KANSL1L: variants seen among roughly 807,000 people sequenced by gnomAD.
The protein encoded by KANSL1L is KAT8 regulatory NSL complex subunit 1-like protein.
A neutral mutation model predicts 108.6 loss-of-function variants in KANSL1L; 25 were observed. The observed-to-expected ratio is 0.23, with a 90% CI of 0.17 to 0.32. The LOEUF (loss-of-function observed/expected upper bound fraction) is 0.32. Among genes scored for constraint, KANSL1L ranks in the 10% least tolerant of loss-of-function variants. KANSL1L has a pLI of 1.00. For missense variants in KANSL1L, 1,137 were observed against 1,125.7 expected (o/e 1.01, Z -0.14); for synonymous variants, 405 against 395.1 (o/e 1.03, Z -0.30).
intron 2 of KANSL1L, among the ~76,000 whole-genome samples, chr2:210,135,470 C>G (rs1457311914): frequency 2.6e-5 from 4 of 152,130 alleles, no homozygotes; most frequent in African/African-American, 9.7e-5. Flanking sequence ...TATTTCCCAG[C>G]CTTACTTGCA....
intron 3 of KANSL1L, among the ~76,000 whole-genome samples, chr2:210,111,479 G>A (rs1403460475): frequency 6.6e-6 from 1 of 152,106 alleles, no homozygotes. Flanking sequence ...AGAGAAAAGA[G>A]CCTGAAGGAA....
At chr2:210,091,406 G>C (rs554474074) in intron 5 of KANSL1L, among the ~76,000 whole-genome samples, 16 of 152,068 alleles carry the variant, frequency 1.1e-4, no homozygotes, top group African/African-American at 3.9e-4. Context: ...TGAAATATAA[G>C]ATACATATGC....
chr2:210,041,876 GGGAC>G (rs2094167859), intron 7 of KANSL1L, among the ~76,000 whole-genome samples: 1 of 152,162 alleles, frequency 6.6e-6, no homozygotes, highest in South Asian at 2.1e-4. Flanking sequence ...TTTGTACCAA[GGGAC>G]AGAGGTAAGA....
rs926467934 is a variant in KANSL1L at position 210,105,461 on chromosome 2, A to G, written c.1231-1160T>C. Among the ~76,000 whole-genome samples, 3 of 150,282 alleles carry G rather than the reference A, an allele frequency of 2.0e-5. No homozygotes were observed. In the Middle Eastern group the frequency reaches 0.011, roughly 533 times the overall value. ...ACACTCCTAATGTGGCTAAAATACTATATTATTGTAATAAAAAATAAACTA... is the reference window on the plus strand; with the variant it reads ...ACACTCCTAATGTGGCTAAAATACTGTATTATTGTAATAAAAAATAAACTA... On this transcript the variant is annotated intron_variant, in intron 3 of 14. Coordinates refer to ENST00000281772, the MANE Select transcript of KANSL1L (RefSeq NM_152519.4).
At chr2:210,158,858 T>C (rs1451167298) in intron 1 of KANSL1L, among the ~76,000 whole-genome samples, 2 of 152,222 alleles carry the variant, frequency 1.3e-5, no homozygotes, top group Admixed American at 6.5e-5. Context: ...ATTATTTAAA[T>C]TATCTAGATA....
At chr2:210,102,271 T>G (rs2094800979) in intron 4 of KANSL1L, among the ~76,000 whole-genome samples, 1 of 152,142 alleles carries the variant, frequency 6.6e-6, no homozygotes, top group Non-Finnish European at 1.5e-5. Context: ...CGGGCTCTTT[T>G]GTGGTAACTG....
chr2:210,032,908 A>G (rs535899414), intron 8 of KANSL1L: 1 of 152,354 alleles, frequency 6.6e-6, no homozygotes, highest in African/African-American at 2.4e-5. Context: ...TTAAAACAGT[A>G]TTGCCAAGAG....
chr2:210,123,061 T>C (rs2095035605), intron 3 of KANSL1L, among the ~76,000 whole-genome samples: 1 of 152,100 alleles, frequency 6.6e-6, no homozygotes, highest in African/African-American at 2.4e-5. Flanking sequence ...GGCAAAGTTG[T>C]AGAGAAAAAG....
At chr2:210,163,265 G>A (rs552126689) in intron 1 of KANSL1L, among the ~76,000 whole-genome samples, 1 of 152,244 alleles carries the variant, frequency 6.6e-6, no homozygotes, top group East Asian at 1.9e-4. Flanking sequence ...GGAAAAAACA[G>A]ACAACATGCA....
intron 5 of KANSL1L, 179 bp downstream of exon 5, chr2:210,097,907 C>T: frequency 2.7e-6 from 1 of 373,854 alleles, no homozygotes; most frequent in Non-Finnish European, 4.8e-6. Context: ...TTTATCATTA[C>T]CTTAATTGTG....
At chr2:210,053,422 C>A (rs1002311057) in intron 6 of KANSL1L, among the ~76,000 whole-genome samples, 2 of 152,168 alleles carry the variant, frequency 1.3e-5, no homozygotes, top group African/African-American at 4.8e-5. Flanking sequence ...CATGGTGAGA[C>A]CTTGTCTCTA....
In KANSL1L at chr2:210,050,482, G is replaced by A. The variant is rs546549173; in HGVS notation, c.1756-6378C>T. 2.6e-5 allele frequency among the ~76,000 whole-genome samples: 4 copies of A among 152,194 alleles called. No homozygotes were observed. In the South Asian group the frequency reaches 8.3e-4, roughly 32 times the overall value. ...AGTATAGAGCAGACATACCACTCAA[G>A]CACTAGTCGTTAGATTGCTGAAGCA... On this transcript the variant is annotated intron_variant, in intron 6 of 14. Coordinates refer to ENST00000281772, the MANE Select transcript of KANSL1L (RefSeq NM_152519.4).
chr2:210,092,521 C>T (rs2094701065), intron 5 of KANSL1L, among the ~76,000 whole-genome samples: 1 of 152,134 alleles, frequency 6.6e-6, no homozygotes, highest in African/African-American at 2.4e-5. Context: ...GCTTATGTAA[C>T]TTGATATAGT....
At chr2:210,095,697 A>G (rs563336216) in intron 5 of KANSL1L, among the ~76,000 whole-genome samples, 21 of 152,286 alleles carry the variant, frequency 1.4e-4, no homozygotes, top group South Asian at 8.3e-4. Context: ...GTTATCTGGT[A>G]ACAAAGCACT....
At chr2:210,048,511 G>T (rs550131416) in intron 6 of KANSL1L, among the ~76,000 whole-genome samples, 1 of 151,404 alleles carries the variant, frequency 6.6e-6, no homozygotes. Context: ...TTTACATTTT[G>T]TATGGATAAT....
chr2:210,153,339 G>A (rs2095315120), intron 2 of KANSL1L, 156 bp downstream of exon 2: 2 of 619,568 alleles, frequency 3.2e-6, no homozygotes, highest in African/African-American at 1.9e-5. Flanking sequence ...GGGCGACAGA[G>A]CGAGACTCTG....
At chr2:210,099,774 C>T (rs898958237) in intron 4 of KANSL1L, among the ~76,000 whole-genome samples, 1 of 152,000 alleles carries the variant, frequency 6.6e-6, no homozygotes, top group Admixed American at 6.6e-5. Context: ...AATTACAATC[C>T]CTATCTTTAC....
intron 8 of KANSL1L, among the ~76,000 whole-genome samples, chr2:210,035,888 G>A (rs1199443112): frequency 6.6e-6 from 1 of 152,224 alleles, no homozygotes; most frequent in Non-Finnish European, 1.5e-5. Flanking sequence ...AACAGCATCT[G>A]AATCACCTGG....
chr2:210,033,361 G>GT (rs370704469), intron 8 of KANSL1L, among the ~76,000 whole-genome samples: 386 of 150,048 alleles, frequency 2.6e-3, no homozygotes, highest in African/African-American at 8.9e-3. Context: ...ATTTTAAAAT[G>GT]TATGTGTGTG....
Sources: allele counts gnomAD v4.1 joint callset (sites outside exome capture counted in the v4.1 genomes callset), GRCh38; gene constraint gnomAD v4.1.1; transcripts MANE v1.5; gene names NCBI Gene and HGNC (gene_info 2026-07-23, HGNC 2026-07-21).